Variants in KRTCAP3 observed in about 807,000 individuals in gnomAD.
KRTCAP3 encodes the protein keratinocyte-associated protein 3.
KRTCAP3 carries 18 observed loss-of-function variants against 20.5 expected under a neutral mutation model. The observed-to-expected ratio is 0.88, with a 90% CI of 0.61 to 1.31. KRTCAP3 has a LOEUF of 1.31. Ranked by LOEUF, KRTCAP3 falls within the 50% of genes most tolerant of loss-of-function variation. The pLI, the probability that KRTCAP3 is intolerant of heterozygous loss-of-function variation, is 0.00. For synonymous variants in KRTCAP3, 167 were observed against 133.7 expected (o/e 1.25, Z -1.72); for missense variants, 347 against 310.4 (o/e 1.12, Z -0.89).
At chr2:27,444,998 A>C (rs369150915), downstream of KRTCAP3, 31 of 1,611,992 alleles carry the variant, frequency 1.9e-5, no homozygotes, top group Non-Finnish European at 2.5e-5. Flanking sequence ...TCATTCTCCA[A>C]GTCCTCCTCT....
chr2:27,442,659 G>C lies in KRTCAP3; in HGVS notation c.109G>C (p.Ala37Pro). The C allele has an allele frequency of 1.3e-6, 2 of 1,583,646 alleles. No individual in the cohort carries two copies. Among genetic ancestry groups the C allele is most frequent in the Non-Finnish European group, 1.7e-6 (2 of 1,164,840 alleles). The change falls in exon 2 of 7, where the codon GCC (alanine) becomes CCC (proline). Residue 37 changes from alanine to proline, a missense_variant. By Grantham distance (27) the Ala-to-Pro change is conservative. Transcript: ENST00000288873. ...LVGHVNLLLG[A>P]VLHGTVLRHV... Reference sequence around the variant, plus strand: ...GGGCCACGTGAACCTGCTGCTGGGGGCCGTGCTGCATGGCACCGTCCTGCG... The same window carrying C: ...GGGCCACGTGAACCTGCTGCTGGGGCCCGTGCTGCATGGCACCGTCCTGCG...
At chr2:27,442,931 G>C in intron 3 of KRTCAP3, 30 bp downstream of exon 3, 1 of 1,611,018 alleles carries the variant, frequency 6.2e-7, no homozygotes, top group Non-Finnish European at 8.5e-7. Flanking sequence ...AGCTTTTAAC[G>C]AGTAGGCTTG....
chr2:27,446,116 A>C (rs1041663658), downstream of KRTCAP3: 21 of 1,383,242 alleles, frequency 1.5e-5, no homozygotes, highest in Non-Finnish European at 2.1e-5. Flanking sequence ...TCCAGGGAGA[A>C]AAATCCAGGA....
At chr2:27,442,489 T>C in intron 1 of KRTCAP3, 49 bp downstream of exon 1, 1 of 1,551,110 alleles carries the variant, frequency 6.4e-7, no homozygotes. Flanking sequence ...GGGCTACCCT[T>C]GCCCCGTCCT....
downstream of KRTCAP3, chr2:27,445,632 G>GA: frequency 3.6e-6 from 5 of 1,399,544 alleles, 1 homozygote; most frequent in Non-Finnish European, 2.9e-6. This position sits in a 1 kb window ranked among gnomAD's most constrained non-coding sequence, Gnocchi z 4.4. Context: ...TACTTTCACT[G>GA]AAAAAACAGT....
chr2:27,446,240 C>G (rs1665085331), downstream of KRTCAP3: 3 of 1,611,104 alleles, frequency 1.9e-6, no homozygotes, highest in African/African-American at 4.0e-5. Flanking sequence ...TCTGCCCCAC[C>G]CTTCCTTGTC....
At position 27,443,143 on chromosome 2, in the gene KRTCAP3, C is replaced by G. The variant is rs1490757997; in HGVS notation, c.343C>G (p.Leu115Val). 1.2e-6 allele frequency: 2 copies of G among 1,614,128 alleles called. No homozygotes were observed. Among genetic ancestry groups the G allele is most frequent in the South Asian group, 2.2e-5 (2 of 91,068 alleles). The change falls in exon 4 of 7, where the codon CTT (leucine) becomes GTT (valine). Residue 115 changes from leucine (L) to valine (V), a missense_variant. Coordinates refer to ENST00000288873, the MANE Select transcript of KRTCAP3 (RefSeq NM_173853.4). ...CGTTGCCTGCTCCCTGGGCCTCCTT[C>G]TTGCTGTGTCACTCACTGTGGCCAA... Reference protein sequence around the residue: ...LSVACSLGLLLAVSLTVANGG... With the variant: ...LSVACSLGLLVAVSLTVANGG...
At chr2:27,444,989 C>T (rs367679647), downstream of KRTCAP3, 4 of 1,608,582 alleles carry the variant, frequency 2.5e-6, no homozygotes, top group African/African-American at 5.4e-5. Context: ...TCTCTGCCTT[C>T]ATTCTCCAAG....
At chr2:27,442,532 C>T in intron 1 of KRTCAP3, 47 bp from the exon 2 acceptor site, 1 of 1,535,460 alleles carries the variant, frequency 6.5e-7, no homozygotes, top group Non-Finnish European at 8.8e-7. Flanking sequence ...CGAGCCGCCT[C>T]TCCCCTCCCC....
At chr2:27,445,280 C>CT, downstream of KRTCAP3, 1 of 1,604,526 alleles carries the variant, frequency 6.2e-7, no homozygotes, top group Non-Finnish European at 8.5e-7. This position sits in a 1 kb window ranked among gnomAD's most constrained non-coding sequence, Gnocchi z 4.4. Context: ...ATCTGGGGTG[C>CT]TGTAGGCTTC....
downstream of KRTCAP3, chr2:27,445,219 A>T: frequency 1.3e-6 from 2 of 1,579,166 alleles, no homozygotes; most frequent in Non-Finnish European, 1.7e-6. This position sits in a 1 kb window ranked among gnomAD's most constrained non-coding sequence, Gnocchi z 4.4. Context: ...CCTTTACTGA[A>T]TCCTAGTAAA....
chr2:27,442,662 G>T lies in KRTCAP3; in HGVS notation c.112G>T (p.Val38Leu). The part of the protein sequence containing the change: ...VGHVNLLLGA[V>L]LHGTVLRHVA... The stretch of plus-strand genomic sequence containing the variant: ...CCACGTGAACCTGCTGCTGGGGGCC[G>T]TGCTGCATGGCACCGTCCTGCGGCA... The change falls in exon 2 of 7, where the codon GTG (valine) becomes TTG (leucine). Residue 38 changes from valine (V) to leucine (L), a missense_variant. Val to Leu is a conservative substitution (Grantham distance 32). Transcript: ENST00000288873. The T allele has an allele frequency of 1.3e-6, 2 of 1,585,006 alleles. No individual in the cohort carries two copies. The highest frequency in any genetic ancestry group is 8.6e-7 in the Non-Finnish European group (1 of 1,165,342).
downstream of KRTCAP3, chr2:27,446,378 A>G (rs1402466700): frequency 3.7e-6 from 6 of 1,608,782 alleles, no homozygotes; most frequent in Non-Finnish European, 5.1e-6. Flanking sequence ...TCAAAGCATT[A>G]TGAATATGGC....
rs1664679383 is a variant in KRTCAP3 at position 27,442,651 on chromosome 2, T to A, written c.101T>A (p.Leu34Gln). ...ALILVGHVNL[L>Q]LGAVLHGTVL... ...ATCTTGGTGGGCCACGTGAACCTGC[T>A]GCTGGGGGCCGTGCTGCATGGCACC... is the stretch of plus-strand genomic sequence containing the variant. Residue 34 changes from leucine (L) to glutamine (Q), a missense_variant, in exon 2 of 7, where the codon CTG becomes CAG. By Grantham distance (113) the Leu-to-Gln change is moderately radical. Transcript: ENST00000288873. 6.3e-7 allele frequency: 1 copy of A among 1,579,722 alleles called. No individual in the cohort carries two copies. Among genetic ancestry groups the A allele is most frequent in the South Asian group, 1.2e-5 (1 of 86,144 alleles).
Position 27,443,066 on chromosome 2 carries a change from C to G in KRTCAP3, c.274-8C>G, listed in dbSNP as rs770859481. 6.2e-7 allele frequency: 1 copy of G among 1,612,000 alleles called. No individual in the cohort carries two copies. Among genetic ancestry groups the G allele is most frequent in the Non-Finnish European group, 8.5e-7 (1 of 1,178,692 alleles). On this transcript the variant is annotated splice_region_variant and splice_polypyrimidine_tract_variant and intron_variant, in intron 3 of 6. Coordinates refer to ENST00000288873, the MANE Select transcript of KRTCAP3 (RefSeq NM_173853.4). ...AGGCTGCTCACCCTGATCTCCTGTC[C>G]CTGCCAGCACTGGGTCCTGCTGGCA...
Position 27,442,445 on chromosome 2 carries a change from C to G in KRTCAP3, c.28+5C>G. The G allele has an allele frequency of 2.5e-6, 4 of 1,570,132 alleles. No homozygotes were observed. The highest frequency in any genetic ancestry group is 3.5e-6 in the Non-Finnish European group (4 of 1,158,196). On this transcript the variant is annotated splice_donor_5th_base_variant and intron_variant, in intron 1 of 6. Coordinates refer to ENST00000288873, the MANE Select transcript of KRTCAP3 (RefSeq NM_173853.4). Reference sequence around the variant, plus strand: ...GCTGCAGTCTCTGCGCTTTCGGTAACTTCCGGGCCCTGGCGTCTCGTCTCC... The same window carrying G: ...GCTGCAGTCTCTGCGCTTTCGGTAAGTTCCGGGCCCTGGCGTCTCGTCTCC...
At chr2:27,442,965 G>C (rs1664709735) in intron 3 of KRTCAP3, 64 bp downstream of exon 3, 3 of 1,590,858 alleles carry the variant, frequency 1.9e-6, no homozygotes, top group Non-Finnish European at 2.6e-6. Flanking sequence ...GGGGCTGACT[G>C]AGCTTGGTCT....
chr2:27,442,753 C>T lies in KRTCAP3; in HGVS notation c.203C>T (p.Ser68Leu), dbSNP rs144811599. ...YTVANVISVG[S>L]GLLSVSVGLV... ...GTAGCCAATGTCATCTCTGTCGGCT[C>T]GGGGCTGCTGGTGAGCGCGGCAGGC... Residue 68 changes from serine (S) to leucine (L), a missense_variant, in exon 2 of 7, where the codon TCG (serine) becomes TTG (leucine). By Grantham distance (145) the Ser-to-Leu change is moderately radical (BLOSUM62 -2). Transcript: ENST00000288873. The T allele has an allele frequency of 7.5e-6, 12 of 1,608,956 alleles. No homozygotes were observed. The highest frequency in any genetic ancestry group is 9.3e-6 in the Non-Finnish European group (11 of 1,177,812).
At chr2:27,442,787 C>T in intron 2 of KRTCAP3, 24 bp downstream of exon 2, 1 of 1,610,980 alleles carries the variant, frequency 6.2e-7, no homozygotes, top group Non-Finnish European at 8.5e-7. Flanking sequence ...GCGACCCGGG[C>T]GGGGGCCGGG....
Sources: allele counts gnomAD v4.1 joint callset, GRCh38; gene constraint gnomAD v4.1.1; non-coding constraint Gnocchi (gnomAD v3.1); transcripts MANE v1.5; gene names NCBI Gene and HGNC (gene_info 2026-07-23, HGNC 2026-07-21).